Variants in PHC3 observed in about 807,000 individuals in gnomAD.
PHC3 encodes polyhomeotic-like protein 3.
A neutral mutation model predicts 107.4 loss-of-function variants in PHC3; 13 were observed. The observed-to-expected ratio is 0.12, with a 90% CI of 0.08 to 0.19. The LOEUF is 0.19. PHC3 is among the 10% of genes least tolerant of loss of function. PHC3 has a pLI of 1.00. For missense variants in PHC3, 992 were observed against 1,210.9 expected (o/e 0.82, Z 2.68); for synonymous variants, 456 against 427.4 (o/e 1.07, Z -0.83).
chr3:170,165,408 C>T (rs897246686), intron 4 of PHC3, among the ~76,000 whole-genome samples: 8 of 152,008 alleles, frequency 5.3e-5, no homozygotes, highest in African/African-American at 1.4e-4. Context: ...TCAAAATGAA[C>T]GAAAAGGACA....
At chr3:170,119,212 T>A (rs1424693749) in intron 9 of PHC3, among the ~76,000 whole-genome samples, 2 of 152,092 alleles carry the variant, frequency 1.3e-5, no homozygotes, top group Non-Finnish European at 2.9e-5. Flanking sequence ...GGACAAAGGA[T>A]GAAAGATTTA....
chr3:170,125,203 G>A (rs1444567016), intron 8 of PHC3, among the ~76,000 whole-genome samples: 2 of 152,008 alleles, frequency 1.3e-5, no homozygotes, highest in Admixed American at 1.3e-4. Context: ...ATTGTTCGGA[G>A]CAACAATTAT....
chr3:170,101,607 C>T (rs2108265464), intron 14 of PHC3, among the ~76,000 whole-genome samples: 1 of 152,202 alleles, frequency 6.6e-6, no homozygotes, highest in Admixed American at 6.5e-5. Flanking sequence ...CCTCATTTTC[C>T]ATATGCGTAA....
rs543878375 is a variant in PHC3 at position 170,097,136 on chromosome 3, A to G, written c.*94T>C. 149 of 1,268,342 alleles carry G rather than the reference A, an allele frequency of 1.2e-4. 1 individual carries two copies. The highest frequency in any genetic ancestry group is 1.8e-4 in the South Asian group (9 of 49,382). 78.6% of individuals were successfully genotyped at this position (1,268,342 alleles called of 1,614,324 possible). The stretch of plus-strand genomic sequence containing the variant: ...CCAATGTGCTTGGCTATCCACCACA[A>G]TAAGTGTCATATTCTAGACCAAGTT... On this transcript the variant is annotated 3_prime_UTR_variant, in exon 15 of 15. Transcript: ENST00000495893. This position sits in a 1 kb window ranked among gnomAD's most constrained non-coding sequence, Gnocchi z 4.1.
At chr3:170,174,045 TG>T (rs1336942283) in intron 2 of PHC3, among the ~76,000 whole-genome samples, 1 of 151,882 alleles carries the variant, frequency 6.6e-6, no homozygotes, top group Non-Finnish European at 1.5e-5. Context: ...ATACAAAACT[TG>T]GCCAGGCATG....
chr3:170,133,668 T>C (rs1291507945), intron 7 of PHC3, among the ~76,000 whole-genome samples: 1 of 152,198 alleles, frequency 6.6e-6, no homozygotes, highest in African/African-American at 2.4e-5. Flanking sequence ...ATATGTAAGA[T>C]CTGAATTTGG....
intron 10 of PHC3, among the ~76,000 whole-genome samples, chr3:170,114,513 G>A (rs929843844): frequency 2.0e-5 from 3 of 152,136 alleles, no homozygotes; most frequent in Non-Finnish European, 2.9e-5. Flanking sequence ...TACAAAAACA[G>A]AATGAGGACT....
chr3:170,153,727 C>T (rs899553998), intron 4 of PHC3, among the ~76,000 whole-genome samples: 1 of 149,370 alleles, frequency 6.7e-6, no homozygotes, highest in Non-Finnish European at 1.5e-5. Flanking sequence ...CGCGCCACTG[C>T]ACTCCAGCCT....
At chr3:170,138,564 C>T (rs1723513185) in intron 6 of PHC3, among the ~76,000 whole-genome samples, 1 of 151,842 alleles carries the variant, frequency 6.6e-6, no homozygotes, top group Admixed American at 6.6e-5. Flanking sequence ...GGGGCAGGTG[C>T]CTGTAGTCCC....
intron 7 of PHC3, 79 bp downstream of exon 7, chr3:170,136,340 G>T: frequency 6.4e-7 from 1 of 1,550,584 alleles, no homozygotes; most frequent in Non-Finnish European, 8.8e-7. Context: ...TCCTGTTCAA[G>T]TCATGAACAT....
At position 170,092,837 on chromosome 3, in the gene PHC3, G is replaced by A. The variant is rs1163409094; in HGVS notation, c.*4393C>T. 6.6e-6 allele frequency: 1 copy of A among 152,184 alleles called. No homozygotes were observed. Among genetic ancestry groups the A allele is most frequent in the East Asian group, 1.9e-4 (1 of 5,196 alleles). The allele number at this position is 152,184 out of a possible 1,614,324, so 9.4% of individuals were successfully genotyped here. Reference sequence around the variant, plus strand: ...ATTAATATCCATGCTCCCAAGCATGGAGACAGTGGGTATAGAGAGTGAAAG... The same window carrying A: ...ATTAATATCCATGCTCCCAAGCATGAAGACAGTGGGTATAGAGAGTGAAAG... On this transcript the variant is annotated 3_prime_UTR_variant, in exon 15 of 15. Transcript: ENST00000495893.
intron 6 of PHC3, among the ~76,000 whole-genome samples, chr3:170,140,835 T>C (rs1324705506): frequency 6.6e-6 from 1 of 151,962 alleles, no homozygotes; most frequent in African/African-American, 2.4e-5. Flanking sequence ...TGACCTCAAG[T>C]GATCTGCCTG....
rs1714055311 is a variant in PHC3 at position 170,091,197 on chromosome 3, T to C, written c.*6033A>G. On this transcript the variant is annotated 3_prime_UTR_variant, in exon 15 of 15. Transcript: ENST00000495893. Reference sequence around the variant, plus strand: ...GACTATCAATCCTTAAGATGATTACTGGAGTAAATTTAAACAGGTGCTCTA... The same window carrying C: ...GACTATCAATCCTTAAGATGATTACCGGAGTAAATTTAAACAGGTGCTCTA... The C allele has an allele frequency of 6.6e-6, 1 of 152,254 alleles. No individual in the cohort carries two copies. Among genetic ancestry groups the C allele is most frequent in the Non-Finnish European group, 1.5e-5 (1 of 68,036 alleles). 9.4% of individuals were successfully genotyped at this position (152,254 alleles called of 1,614,324 possible).
At chr3:170,144,297 T>C (rs115959023) in intron 6 of PHC3, among the ~76,000 whole-genome samples, 3,446 of 151,160 alleles carry the variant, frequency 0.023, 131 homozygotes, top group African/African-American at 0.08. Flanking sequence ...GCGGAGACGG[T>C]GCCACTGTAC....
intron 7 of PHC3, among the ~76,000 whole-genome samples, chr3:170,130,069 T>G (rs80033471): frequency 0.012 from 1,855 of 152,340 alleles, 40 homozygotes; most frequent in African/African-American, 0.042. Flanking sequence ...TGTGATAAGT[T>G]CTAAAAGAAA....
At position 170,094,254 on chromosome 3, in the gene PHC3, G is replaced by C. The variant is rs1049771118; in HGVS notation, c.*2976C>G. On this transcript the variant is annotated 3_prime_UTR_variant, in exon 15 of 15. Transcript: ENST00000495893. The stretch of plus-strand genomic sequence containing the variant: ...TACACATGCCTACACAAGGCTTGAT[G>C]AATATTAATGTCATATAAAAAATAA... The C allele has an allele frequency of 1.3e-5, 2 of 152,166 alleles. No individual in the cohort carries two copies. The highest frequency in any genetic ancestry group is 2.9e-5 in the Non-Finnish European group (2 of 68,030). 9.4% of individuals were successfully genotyped at this position (152,166 alleles called of 1,614,324 possible).
At chr3:170,101,984 C>T (rs1371969756) in intron 14 of PHC3, among the ~76,000 whole-genome samples, 1 of 151,916 alleles carries the variant, frequency 6.6e-6, no homozygotes, top group East Asian at 1.9e-4. Context: ...TTTAAAAGGA[C>T]TAGCTTGATT....
At position 170,143,547 on chromosome 3, in the gene PHC3, A is replaced by G. The variant is rs952810448; in HGVS notation, c.672+1876T>C. ...TGAGAACTATTATATTACAAATAAG[A>G]AGCCAAAGATGACCCTAAAATACCC... On this transcript the variant is annotated intron_variant, in intron 6 of 14. Transcript: ENST00000495893. Among the ~76,000 whole-genome samples the G allele has an allele frequency of 7.2e-4, 109 of 152,228 alleles. 1 individual carries two copies. Among genetic ancestry groups the G allele is most frequent in the Admixed American group, 3.9e-4 (6 of 15,288 alleles).
rs369667850 is a variant in PHC3, at chr3:170,149,077, A to G, written c.573+9T>C. On this transcript the variant is annotated intron_variant, in intron 5 of 14. Transcript: ENST00000495893. ...AAACACTGAAAAAATTTGGTAGCTC[A>G]TATCTTACCATTTGAGCTCGGAGAT... 1.4e-5 allele frequency: 22 copies of G among 1,610,710 alleles called. No individual in the cohort carries two copies. In the African/African-American group the frequency reaches 2.1e-4, roughly 16 times the overall value.
Sources: allele counts gnomAD v4.1 joint callset (sites outside exome capture counted in the v4.1 genomes callset), GRCh38; gene constraint gnomAD v4.1.1; non-coding constraint Gnocchi (gnomAD v3.1); transcripts MANE v1.5; gene names NCBI Gene and HGNC (gene_info 2026-07-23, HGNC 2026-07-21).